The following DACH2 variants were observed in gnomAD, a reference collection of about 807,000 sequenced individuals.
DACH2 encodes dachshund family transcription factor 2.
In DACH2, 17 loss-of-function variants were observed where a neutral mutation model predicts 35.8. The observed-to-expected ratio is 0.48, with a 90% confidence interval of 0.33 to 0.71. The LOEUF is 0.71. DACH2 is among the 30% of genes least tolerant of loss of function. DACH2 has a pLI of 0.02. For synonymous variants in DACH2, 195 were observed against 177.3 expected, an observed-to-expected ratio of 1.10 and a Z score of -0.79; for missense variants, 469 against 472.7, an observed-to-expected ratio of 0.99 and a Z score of 0.07.
intron 2 of DACH2, among the ~76,000 whole-genome samples, chrX:86,417,652 G>A (rs768150456): frequency 6.3e-5 from 7 of 111,447 alleles, no homozygotes; most frequent in Non-Finnish European, 1.1e-4. Context: ...ATATCATGTG[G>A]GAATGGTGGG....
intron 2 of DACH2, among the ~76,000 whole-genome samples, chrX:86,450,772 A>G (rs184855031): frequency 6.4e-5 from 7 of 109,564 alleles, no homozygotes; most frequent in South Asian, 7.9e-4. Context: ...TCTGACTGGC[A>G]TGAGATGGTA....
chrX:86,487,820 C>T (rs1461545131), intron 2 of DACH2, among the ~76,000 whole-genome samples: 1 of 111,622 alleles, frequency 9.0e-6, no homozygotes, highest in Non-Finnish European at 1.9e-5. Flanking sequence ...AAATATTTCT[C>T]CACGAAGTAA....
chrX:86,565,173 A>G, intron 3 of DACH2, among the ~76,000 whole-genome samples: 1 of 111,872 alleles, frequency 8.9e-6, no homozygotes, highest in Non-Finnish European at 1.9e-5. Context: ...AGATAAATTC[A>G]TCTGCCTGCA....
chrX:86,368,682 C>A (rs2148091604), intron 1 of DACH2, among the ~76,000 whole-genome samples: 1 of 108,764 alleles, frequency 9.2e-6, no homozygotes, highest in Admixed American at 9.9e-5. Flanking sequence ...CTCACCTCAG[C>A]CTCCTGAGTA....
intron 1 of DACH2, among the ~76,000 whole-genome samples, chrX:86,220,784 G>A (rs1363762201): frequency 6.3e-5 from 7 of 111,811 alleles, no homozygotes; most frequent in Non-Finnish European, 9.4e-5. Flanking sequence ...ATTTTTTGAA[G>A]AACCTCCATA....
chrX:86,738,134 T>A (rs1318021372), intron 6 of DACH2, among the ~76,000 whole-genome samples: 1 of 111,366 alleles, frequency 9.0e-6, no homozygotes, highest in East Asian at 2.8e-4. Context: ...CAGTATAATC[T>A]CCCTATTTCA....
At chrX:86,169,766 T>C (rs1434487595) in intron 1 of DACH2, among the ~76,000 whole-genome samples, 2 of 111,141 alleles carry the variant, frequency 1.8e-5, no homozygotes, top group Admixed American at 1.9e-4. Flanking sequence ...ATCTTGAATT[T>C]CTTTGGGTTT....
intron 1 of DACH2, among the ~76,000 whole-genome samples, chrX:86,241,655 G>A (rs1025311767): frequency 3.6e-5 from 4 of 112,396 alleles, no homozygotes; most frequent in African/African-American, 6.5e-5. Flanking sequence ...AATAGCCAAG[G>A]CAATGGGAAC....
At chrX:86,725,139 GCTT>G (rs757912305) in intron 6 of DACH2, among the ~76,000 whole-genome samples, 13 of 109,921 alleles carry the variant, frequency 1.2e-4, no homozygotes, top group Non-Finnish European at 2.5e-4. Context: ...ATGTGATTGA[GCTT>G]CTCTAAAATT....
chrX:86,377,671 TA>T (rs771541907), intron 2 of DACH2, among the ~76,000 whole-genome samples: 35 of 110,422 alleles, frequency 3.2e-4, no homozygotes, highest in African/African-American at 5.6e-4. Context: ...CTTTTGGTGA[TA>T]TTTTTTTGCC....
intron 11 of DACH2, chrX:86,827,617 C>T (rs188580197): frequency 5.6e-5 from 25 of 449,943 alleles, no homozygotes; most frequent in East Asian, 1.2e-4. Flanking sequence ...ACATTAATTG[C>T]GAGAGATATA....
At chrX:86,599,672 T>A (rs1347907663) in intron 3 of DACH2, among the ~76,000 whole-genome samples, 2 of 109,751 alleles carry the variant, frequency 1.8e-5, no homozygotes, top group Non-Finnish European at 3.8e-5. Context: ...AATATTTGTA[T>A]TTTTGGTAGA....
At position 86,567,724 on chromosome X, in the gene DACH2, C is replaced by T. The variant is rs144120150; in HGVS notation, c.640+53333C>T. ...AAATGTTCACAGTATTTGTAGTAGACGAGGCTGTAATGGCATTTATTGTTA... is the reference window on the plus strand; with the variant it reads ...AAATGTTCACAGTATTTGTAGTAGATGAGGCTGTAATGGCATTTATTGTTA... On this transcript the variant is annotated intron_variant, in intron 3 of 11. Transcript: ENST00000373125. 2.8e-3 allele frequency among the ~76,000 whole-genome samples: 316 copies of T among 111,209 alleles called. 1 individual carries two copies. The highest frequency in any genetic ancestry group is 1.9e-3 in the Non-Finnish European group (103 of 52,873).
At chrX:86,429,870 C>A (rs1329461782) in intron 2 of DACH2, among the ~76,000 whole-genome samples, 1 of 112,149 alleles carries the variant, frequency 8.9e-6, no homozygotes, top group Non-Finnish European at 1.9e-5. Flanking sequence ...GCCTAAAGTG[C>A]ATTAAATGAT....
intron 1 of DACH2, among the ~76,000 whole-genome samples, chrX:86,188,952 C>T (rs1343650661): frequency 8.9e-6 from 1 of 112,192 alleles, no homozygotes; most frequent in Admixed American, 9.5e-5. Flanking sequence ...CCCTCCACAG[C>T]ATCTAGCACA....
intron 1 of DACH2, among the ~76,000 whole-genome samples, chrX:86,173,631 C>T (rs947294860): frequency 9.0e-6 from 1 of 111,557 alleles, no homozygotes; most frequent in Non-Finnish European, 1.9e-5. Context: ...GGAGAGTGTT[C>T]ATAATGGAGT....
chrX:86,468,879 A>G (rs1168375836), intron 2 of DACH2, among the ~76,000 whole-genome samples: 3 of 111,901 alleles, frequency 2.7e-5, no homozygotes, highest in African/African-American at 6.5e-5. Flanking sequence ...ATATGAATCA[A>G]TATGTCAAAA....
intron 5 of DACH2, among the ~76,000 whole-genome samples, chrX:86,697,920 T>C (rs781281940): frequency 3.5e-4 from 39 of 111,259 alleles, no homozygotes; most frequent in Non-Finnish European, 5.3e-4. Flanking sequence ...ATATTTGAAA[T>C]AACAATGACT....
intron 3 of DACH2, among the ~76,000 whole-genome samples, chrX:86,599,571 A>T (rs2039763727): frequency 9.6e-6 from 1 of 104,549 alleles, no homozygotes; most frequent in African/African-American, 3.6e-5. Context: ...ATCTTGGCTC[A>T]CTGCAAACTT....
Sources: allele counts gnomAD v4.1 joint callset (sites outside exome capture counted in the v4.1 genomes callset), GRCh38; gene constraint gnomAD v4.1.1; transcripts MANE v1.5; gene names NCBI Gene and HGNC (gene_info 2026-07-23, HGNC 2026-07-21).